The following GPC5 variants were observed in gnomAD, a reference collection of about 807,000 sequenced individuals.
GPC5 encodes glypican 5, also known as glypican-5.
GPC5 carries 47 observed loss-of-function variants against 53.9 expected under a neutral mutation model. That is an observed-to-expected ratio of 0.87 (90% confidence interval 0.69 to 1.11). The LOEUF (loss-of-function observed/expected upper bound fraction) is 1.11. Ranked by LOEUF, GPC5 falls within the 50% of genes most tolerant of loss-of-function variation. The pLI is 0.00. For missense variants in GPC5, 748 were observed against 713.1 expected (o/e 1.05, Z -0.56); for synonymous variants, 286 against 263.3 (o/e 1.09, Z -0.84).
At chr13:92,685,544 AT>A (rs61560973) in intron 7 of GPC5, among the ~76,000 whole-genome samples, 5,730 of 104,814 alleles carry the variant, frequency 0.055, 134 homozygotes, top group South Asian at 0.083. Flanking sequence ...AATTATGCTC[AT>A]TTTTTTTTTT....
intron 7 of GPC5, among the ~76,000 whole-genome samples, chr13:92,307,079 G>A (rs1302370409): frequency 6.6e-6 from 1 of 152,180 alleles, no homozygotes; most frequent in Admixed American, 6.5e-5. Context: ...GGAAACGTCT[G>A]CTACTTAACT....
intron 3 of GPC5, among the ~76,000 whole-genome samples, chr13:91,717,477 C>A (rs760738060): frequency 2.0e-5 from 3 of 152,104 alleles, no homozygotes; most frequent in African/African-American, 4.8e-5. Context: ...GGAAAGCTCA[C>A]TCTTGAGTGA....
chr13:91,847,194 TG>T (rs1385569227), intron 5 of GPC5, among the ~76,000 whole-genome samples: 1 of 121,724 alleles, frequency 8.2e-6, no homozygotes, highest in East Asian at 2.6e-4. Flanking sequence ...ACTCCAAGCC[TG>T]GGCGACAGAG....
chr13:91,576,549 AC>A (rs2032144368), intron 2 of GPC5, among the ~76,000 whole-genome samples: 1 of 152,154 alleles, frequency 6.6e-6, no homozygotes, highest in African/African-American at 2.4e-5. Context: ...GTTTGAGGAA[AC>A]TTTTTAGTTT....
intron 7 of GPC5, among the ~76,000 whole-genome samples, chr13:92,831,687 T>C (rs1167198885): frequency 1.3e-5 from 2 of 152,170 alleles, no homozygotes; most frequent in Non-Finnish European, 2.9e-5. Context: ...CCCACAAAGA[T>C]GTCTGACTTC....
intron 2 of GPC5, among the ~76,000 whole-genome samples, chr13:91,495,389 C>T (rs573193579): frequency 3.3e-5 from 5 of 152,256 alleles, no homozygotes; most frequent in Admixed American, 6.5e-5. Context: ...CATGTCACTC[C>T]TTTTCTCAAA....
At chr13:92,663,793 C>T (rs190136734) in intron 7 of GPC5, among the ~76,000 whole-genome samples, 6 of 135,350 alleles carry the variant, frequency 4.4e-5, no homozygotes, top group Non-Finnish European at 7.9e-5. Context: ...ACTATATATA[C>T]ACACACTATA....
intron 7 of GPC5, among the ~76,000 whole-genome samples, chr13:92,463,634 T>C (rs1878580018): frequency 6.6e-6 from 1 of 152,170 alleles, no homozygotes; most frequent in Non-Finnish European, 1.5e-5. Flanking sequence ...GAGGAGCTCT[T>C]CAATTATAAG....
chr13:91,925,013 G>A (rs1356485332), intron 6 of GPC5, among the ~76,000 whole-genome samples: 1 of 151,844 alleles, frequency 6.6e-6, no homozygotes, highest in African/African-American at 2.4e-5. Flanking sequence ...TAAAGACGAG[G>A]TTTCACCGTG....
Position 92,175,855 on chromosome 13 carries a change from C to T in GPC5, c.1561+30866C>T, listed in dbSNP as rs188645426. Among the ~76,000 whole-genome samples the T allele has an allele frequency of 1.7e-3, 255 of 152,156 alleles. 4 individuals are homozygous for T. The highest frequency in any genetic ancestry group is 3.2e-4 in the Non-Finnish European group (22 of 68,004). ...TCTTTAGAGGCTAAATACAAGACCC[C>T]GTTACCAATTTAATAGTAGTTTTCA... is the stretch of plus-strand genomic sequence containing the variant. On this transcript the variant is annotated intron_variant, in intron 7 of 7. Transcript: ENST00000377067.
intron 2 of GPC5, among the ~76,000 whole-genome samples, chr13:91,474,505 C>T (rs1456375107): frequency 6.6e-6 from 1 of 152,084 alleles, no homozygotes; most frequent in Non-Finnish European, 1.5e-5. Context: ...GTTTCTCAAT[C>T]TCTTTCCACA....
At chr13:92,591,597 A>C (rs1194056674) in intron 7 of GPC5, among the ~76,000 whole-genome samples, 1 of 152,170 alleles carries the variant, frequency 6.6e-6, no homozygotes, top group African/African-American at 2.4e-5. Flanking sequence ...TTTTGTGATG[A>C]GAACATTTAA....
intron 7 of GPC5, among the ~76,000 whole-genome samples, chr13:92,646,018 T>C (rs61975893): frequency 0.25 from 38,007 of 151,902 alleles, 5,247 homozygotes; most frequent in South Asian, 0.39. Flanking sequence ...CCAGAGTTCT[T>C]AATTTTCATA....
chr13:92,069,988 A>C (rs895955624), intron 6 of GPC5, among the ~76,000 whole-genome samples: 3 of 152,196 alleles, frequency 2.0e-5, no homozygotes, highest in African/African-American at 7.2e-5. Context: ...TCATATTAAA[A>C]GGAGGACTGT....
Position 92,200,974 on chromosome 13 carries a change from GACACAC to G in GPC5, c.1561+56016_1561+56021del, listed in dbSNP as rs66619017. Among the ~76,000 whole-genome samples, 1,168 of 147,016 alleles carry G rather than the reference GACACAC, an allele frequency of 7.9e-3. 11 individuals are homozygous for G. Among genetic ancestry groups the G allele is most frequent in the African/African-American group, 0.023 (926 of 40,448 alleles). ...CAACAGACAGACACACAGGCACTCA[GACACAC>G]ACACACACACACACACACACACACA... On this transcript the variant is annotated intron_variant, in intron 7 of 7. Coordinates refer to ENST00000377067, the MANE Select transcript of GPC5 (RefSeq NM_004466.6).
chr13:92,517,969 GAGA>G (rs959585921), intron 7 of GPC5, among the ~76,000 whole-genome samples: 4 of 152,212 alleles, frequency 2.6e-5, no homozygotes, highest in Non-Finnish European at 5.9e-5. Flanking sequence ...AACCAGTGTA[GAGA>G]AGTCCTTAAA....
intron 6 of GPC5, among the ~76,000 whole-genome samples, chr13:91,944,141 G>A (rs1313965552): frequency 2.0e-5 from 3 of 151,504 alleles, no homozygotes; most frequent in African/African-American, 7.3e-5. Flanking sequence ...TGTCGCCCAG[G>A]CTGGAGTGCA....
intron 5 of GPC5, among the ~76,000 whole-genome samples, chr13:91,776,166 C>G (rs552532138): frequency 1.3e-5 from 2 of 152,180 alleles, no homozygotes; most frequent in East Asian, 3.9e-4. Context: ...AGATGATGGT[C>G]CCTGGGTGAG....
At chr13:91,816,694 C>T (rs964066449) in intron 5 of GPC5, among the ~76,000 whole-genome samples, 5 of 152,124 alleles carry the variant, frequency 3.3e-5, no homozygotes, top group Admixed American at 6.6e-5. Flanking sequence ...ACATAGAAGA[C>T]GCTTTTTGCA....
Sources: gnomAD v4.1 joint callset for allele counts (sites outside exome capture counted in the v4.1 genomes callset) on GRCh38, gnomAD v4.1.1 for gene constraint, MANE v1.5 for transcripts, NCBI Gene and HGNC (gene_info 2026-07-23, HGNC 2026-07-21) for gene names.